The following ARRDC5 variants were observed in gnomAD, a reference collection of about 807,000 sequenced individuals.
ARRDC5 encodes the protein arrestin domain-containing protein 5.
In ARRDC5, 12 loss-of-function variants were observed where a neutral mutation model predicts 13.3. That is an observed-to-expected ratio of 0.90 (90% CI 0.58 to 1.46). The LOEUF (loss-of-function observed/expected upper bound fraction) is 1.46, where lower values mean the gene tolerates loss of function less well. Ranked by LOEUF, ARRDC5 falls within the 40% of genes most tolerant of loss-of-function variation. The pLI is 0.00. For missense variants in ARRDC5, 406 were observed against 418.7 expected (o/e 0.97, Z 0.26); for synonymous variants, 181 against 173.4 (o/e 1.04, Z -0.34).
intron 2 of ARRDC5, among the ~76,000 whole-genome samples, chr19:4,894,352 A>T (rs2031627319): frequency 6.6e-6 from 1 of 150,664 alleles, no homozygotes; most frequent in Non-Finnish European, 1.5e-5. Flanking sequence ...TCTACTAAAA[A>T]TACAAAAAAT....
At chr19:4,909,796 C>T in the ARRDC5 span, 1 of 447,900 alleles carries the variant, frequency 2.2e-6, no homozygotes, top group African/African-American at 2.1e-5. Context: ...TCCCCTTCCA[C>T]CTAACCCTCG....
At chr19:4,914,130 T>G in the ARRDC5 span, among the ~76,000 whole-genome samples, 4 of 152,182 alleles carry the variant, frequency 2.6e-5, no homozygotes, top group African/African-American at 9.6e-5. Flanking sequence ...CCGGCCCCCA[T>G]GCAGTAGCTT....
intron 2 of ARRDC5, among the ~76,000 whole-genome samples, chr19:4,894,282 C>T (rs1465082446): frequency 1.3e-5 from 2 of 151,170 alleles, no homozygotes. Context: ...GAGGCCGAGG[C>T]GGGCGGATCA....
At chr19:4,899,939 A>G (rs1386766233) in intron 1 of ARRDC5, among the ~76,000 whole-genome samples, 2 of 149,422 alleles carry the variant, frequency 1.3e-5, no homozygotes, top group Non-Finnish European at 3.0e-5. Flanking sequence ...CTCCGTCTCC[A>G]AAAAAGTAAA....
upstream of ARRDC5, among the ~76,000 whole-genome samples, chr19:4,906,332 G>A (rs190298666): frequency 6.6e-6 from 1 of 152,072 alleles, no homozygotes; most frequent in African/African-American, 2.4e-5. Flanking sequence ...AGATGACTAG[G>A]GAACTGGAGC....
chr19:4,915,806 A>C, the ARRDC5 span, among the ~76,000 whole-genome samples: 1 of 152,236 alleles, frequency 6.6e-6, no homozygotes. Context: ...TGCATACTTT[A>C]ATCCAGCCTC....
chr19:4,897,568 A>C (rs905399985), intron 1 of ARRDC5, among the ~76,000 whole-genome samples: 1 of 152,054 alleles, frequency 6.6e-6, no homozygotes, highest in African/African-American at 2.4e-5. Context: ...CTTAGGCTGC[A>C]GTGCAGTGGT....
chr19:4,911,826 A>G, the ARRDC5 span, among the ~76,000 whole-genome samples: 1 of 152,156 alleles, frequency 6.6e-6, no homozygotes, highest in East Asian at 1.9e-4. Flanking sequence ...GTGTGATCGA[A>G]GGTGTAGGTC....
At position 4,899,670 on chromosome 19, in the gene ARRDC5, C is replaced by T. The variant is rs539973518; in HGVS notation, c.254-2794G>A. Among the ~76,000 whole-genome samples the T allele has an allele frequency of 2.9e-3, 427 of 145,150 alleles. 1 individual carries two copies. The highest frequency in any genetic ancestry group is 0.011 in the African/African-American group (410 of 38,610). On this transcript the variant is annotated intron_variant, in intron 1 of 2. Coordinates refer to ENST00000650722, the MANE Select transcript of ARRDC5 (RefSeq NM_001080523.3). ...AGCGGCCGGGCGCGGTGGCTCACGCCTGTAATCCCAGCACTCTGGGAGGCC... is the reference window on the plus strand; with the variant it reads ...AGCGGCCGGGCGCGGTGGCTCACGCTTGTAATCCCAGCACTCTGGGAGGCC...
At chr19:4,902,440 C>T (rs1458810849) in intron 1 of ARRDC5, 133 bp downstream of exon 1, 2 of 830,100 alleles carry the variant, frequency 2.4e-6, no homozygotes, top group South Asian at 1.7e-5. Flanking sequence ...TCATGGCCTC[C>T]CTCCTAGGGA....
chr19:4,902,837 G>T lies in ARRDC5; in HGVS notation c.-12C>A. 2 of 1,613,812 alleles carry T rather than the reference G, an allele frequency of 1.2e-6. No homozygotes were observed. Among genetic ancestry groups the T allele is most frequent in the South Asian group, 2.2e-5 (2 of 91,070 alleles). ...TTCACCACAGACATGGGGGGTTGGG[G>T]GGTAGAGAGACATTCCTCTCTGTCC... On this transcript the variant is annotated 5_prime_UTR_variant, in exon 1 of 3. Transcript: ENST00000650722.
At position 4,902,598 on chromosome 19, in the gene ARRDC5, A is replaced by G. The variant is rs2031959818; in HGVS notation, c.228T>C (p.His76=). ...VICNNKADYV[H]KTKTFPVEDN... ...CCTCCACTGGGAATGTCTTTGTCTT[A>G]TGCACGTAGTCTGCCTTGTTGTTGC... The change falls in exon 1 of 3, where the codon CAT becomes CAC. Residue 76 remains histidine (H), a synonymous_variant. Transcript: ENST00000650722. 1.2e-6 allele frequency: 2 copies of G among 1,613,830 alleles called. No homozygotes were observed. The highest frequency in any genetic ancestry group is 2.7e-5 in the African/African-American group (2 of 74,900).
intron 2 of ARRDC5, among the ~76,000 whole-genome samples, chr19:4,891,952 C>A (rs2031527487): frequency 3.6e-5 from 2 of 54,850 alleles, no homozygotes; most frequent in Non-Finnish European, 3.1e-5. Flanking sequence ...AAAACTCCGT[C>A]TCAAAAAAAA....
chr19:4,896,361 T>TTTTTACACAC (rs761253103), intron 2 of ARRDC5, among the ~76,000 whole-genome samples: 2 of 84,988 alleles, frequency 2.4e-5, no homozygotes, highest in Admixed American at 1.5e-4. Flanking sequence ...TTTTTTTTTT[T>TTTTTACACAC]ACACACACAC....
upstream of ARRDC5, chr19:4,902,952 C>T: frequency 2.1e-6 from 3 of 1,457,120 alleles, no homozygotes; most frequent in Admixed American, 3.7e-5. Context: ...AAGTGGGGAC[C>T]CCAGTGGCCA....
At chr19:4,909,925 T>C in the ARRDC5 span, among the ~76,000 whole-genome samples, 2 of 149,772 alleles carry the variant, frequency 1.3e-5, no homozygotes. Context: ...GGGGAGGATG[T>C]CAGGCTCCGC....
At chr19:4,902,160 A>T (rs1209335344) in intron 1 of ARRDC5, among the ~76,000 whole-genome samples, 1 of 151,990 alleles carries the variant, frequency 6.6e-6, no homozygotes, top group Admixed American at 6.6e-5. Context: ...AAAGTGCTGG[A>T]ATTACAGGTA....
chr19:4,901,738 T>C (rs564300113), intron 1 of ARRDC5, among the ~76,000 whole-genome samples: 6 of 152,250 alleles, frequency 3.9e-5, no homozygotes, highest in African/African-American at 1.2e-4. Flanking sequence ...TACCTGGGAA[T>C]ATCCCCACAA....
At position 4,890,809 on chromosome 19, in the gene ARRDC5, G is replaced by C. The variant is rs1248301275; in HGVS notation, c.*237C>G. 6.1e-6 allele frequency: 3 copies of C among 493,336 alleles called. No individual in the cohort carries two copies. The highest frequency in any genetic ancestry group is 1.1e-5 in the Non-Finnish European group (3 of 277,078). The allele number at this position is 493,336 out of a possible 1,614,324, so 30.6% of individuals were successfully genotyped here. A position where few individuals can be genotyped will look rare whatever the true frequency, so the allele number is the denominator to read the frequency against. On this transcript the variant is annotated 3_prime_UTR_variant, in exon 3 of 3. Transcript: ENST00000650722. ...GCTGGGGCAGACTCAGGGTGGAAAA[G>C]GCAGGTTATGCCGGGTTTGGGTCCT...
Sources: gnomAD v4.1 joint callset for allele counts (sites outside exome capture counted in the v4.1 genomes callset) on GRCh38, gnomAD v4.1.1 for gene constraint, MANE v1.5 for transcripts, NCBI Gene and HGNC (gene_info 2026-07-23, HGNC 2026-07-21) for gene names.